Variants in PAGE4 observed in about 807,000 individuals in gnomAD.
PAGE4 encodes PAGE family member 4.
Under a neutral mutation model 8.5 loss-of-function variants are expected in PAGE4, and 1 was observed. The observed-to-expected ratio is 0.12, with a 90% CI of 0.04 to 0.56. The LOEUF is 0.56. Among genes scored for constraint, PAGE4 ranks in the 20% least tolerant of loss-of-function variants. PAGE4 has a pLI of 0.91. For synonymous variants in PAGE4, 26 were observed against 26.3 expected, an observed-to-expected ratio of 0.99 and a Z score of 0.04; for missense variants, 93 against 82.7, an observed-to-expected ratio of 1.13 and a Z score of -0.49.
rs183991762 is a variant in PAGE4 at position 49,832,727 on chromosome X, C to A, written c.292+77C>A. ...ATACTTTAATAACAAGTCTCGCATA[C>A]AAATATTATTTGAAAGGTAGTTCAG... On this transcript the variant is annotated intron_variant, in intron 4 of 4. Transcript: ENST00000218068. 983 of 907,892 alleles carry A rather than the reference C, an allele frequency of 1.1e-3. 6 individuals carry two copies. The African/African-American group carries it at 0.019, about 17-fold the overall frequency. The allele number at this position is 907,892 out of a possible 1,213,427, so 74.8% of individuals were successfully genotyped here. A position where few individuals can be genotyped will look rare whatever the true frequency, so the allele number is the denominator to read the frequency against.
chrX:49,832,773 AG>A, intron 4 of PAGE4, 123 bp downstream of exon 4: 1 of 581,755 alleles, frequency 1.7e-6, no homozygotes, highest in South Asian at 3.3e-5. Flanking sequence ...CTTGATTCAA[AG>A]ACAGTGTCAG....
At chrX:49,830,654 T>C (rs782168771) in intron 2 of PAGE4, 148 bp downstream of exon 2, 63 of 447,503 alleles carry the variant, frequency 1.4e-4, no homozygotes, top group Non-Finnish European at 1.8e-4. Context: ...AATGAGACAT[T>C]GAGCAAGGAG....
intron 3 of PAGE4, among the ~76,000 whole-genome samples, chrX:49,832,275 A>G (rs1602883743): frequency 8.9e-6 from 1 of 111,988 alleles, no homozygotes; most frequent in East Asian, 2.8e-4. Context: ...AACTGCTGTA[A>G]TGAGTGATTT....
rs188402449 is a variant in PAGE4 at position 49,832,512 on chromosome X, T to C, written c.167-13T>C. The C allele has an allele frequency of 8.9e-7, 1 of 1,121,650 alleles. No individual in the cohort carries two copies. The highest frequency in any genetic ancestry group is 1.2e-6 in the Non-Finnish European group (1 of 832,436). 92.4% of individuals were successfully genotyped at this position (1,121,650 alleles called of 1,213,427 possible). Reference sequence around the variant, plus strand: ...CTGCTTACTTATATCAATAACTTTTTTATTTATATAAGAACGTAAAGTAGA... The same window carrying C: ...CTGCTTACTTATATCAATAACTTTTCTATTTATATAAGAACGTAAAGTAGA... On this transcript the variant is annotated splice_polypyrimidine_tract_variant and intron_variant, in intron 3 of 4. Coordinates refer to ENST00000218068, the MANE Select transcript of PAGE4 (RefSeq NM_007003.4).
In PAGE4 at chrX:49,831,644, A is replaced by G. The variant is rs146482073; in HGVS notation, c.166+560A>G. On this transcript the variant is annotated intron_variant, in intron 3 of 4. Coordinates refer to ENST00000218068, the MANE Select transcript of PAGE4 (RefSeq NM_007003.4). ...AGGACTTAAAATGTAAGGAAAAGTT[A>G]TCCAAGTACAGTGAACTCCTGTGTA... Among the ~76,000 whole-genome samples the G allele has an allele frequency of 2.8e-3, 319 of 112,100 alleles. 1 individual carries two copies. Among genetic ancestry groups the G allele is most frequent in the Non-Finnish European group, 4.6e-3 (242 of 53,172 alleles).
At chrX:49,830,771 GA>G (rs1276114093) in intron 2 of PAGE4, 1 of 433,029 alleles carries the variant, frequency 2.3e-6, no homozygotes, top group East Asian at 3.8e-5. Flanking sequence ...CAGAGAAGAT[GA>G]AAATGGGTTC....
intron 4 of PAGE4, 120 bp from the exon 5 acceptor site, chrX:49,833,726 T>G: frequency 2.0e-6 from 1 of 497,229 alleles, no homozygotes; most frequent in Admixed American, 3.3e-5. Flanking sequence ...ATGCAGTGGT[T>G]AGCGTTCTGG....
rs782237820 is a variant in PAGE4 at position 49,830,483 on chromosome X, C to T, written c.55C>T (p.Pro19Ser). 5 of 1,197,510 alleles carry T rather than the reference C, an allele frequency of 4.2e-6. No individual in the cohort carries two copies. Among genetic ancestry groups the T allele is most frequent in the Non-Finnish European group, 1.1e-6 (1 of 885,828 alleles). ...AGGAAGAGGAGATGGTCAGGAGGCTCCCGATGTGGTTGCATTCGTGGCTGT... is the reference window on the plus strand; with the variant it reads ...AGGAAGAGGAGATGGTCAGGAGGCTTCCGATGTGGTTGCATTCGTGGCTGT... ...SRGRGDGQEA[P>S]DVVAFVAPGE... Residue 19 changes from proline to serine, a missense_variant, in exon 2 of 5, where the codon CCC becomes TCC. By Grantham distance (74) the Pro-to-Ser change is moderately conservative (BLOSUM62 -1). Coordinates refer to ENST00000218068, the MANE Select transcript of PAGE4 (RefSeq NM_007003.4).
At position 49,829,910 on chromosome X, in the gene PAGE4, T is replaced by C. The variant is rs187278929; in HGVS notation, c.-30-489T>C. The C allele has an allele frequency of 7.5e-3, 835 of 112,017 alleles. 9 individuals carry two copies. Among genetic ancestry groups the C allele is most frequent in the African/African-American group, 0.027 (809 of 30,473 alleles). The allele number at this position is 112,017 out of a possible 1,213,427, so 9.2% of individuals were successfully genotyped here. On this transcript the variant is annotated intron_variant, in intron 1 of 4. Coordinates refer to ENST00000218068, the MANE Select transcript of PAGE4 (RefSeq NM_007003.4). ...CTCGGAGGAGGAAGGGCCTCACAGG[T>C]GGTGGCGCCGCCATGACCTTGTGGT...
chrX:49,832,675 G>GTT (rs1454830455), intron 4 of PAGE4, 25 bp downstream of exon 4: 1 of 1,157,441 alleles, frequency 8.6e-7, no homozygotes, highest in Non-Finnish European at 1.2e-6. Flanking sequence ...CGGAATGGAA[G>GTT]TCATGGGGTT....
At position 49,831,089 on chromosome X, in the gene PAGE4, G is replaced by A. The variant is rs1557156551; in HGVS notation, c.166+5G>A. The A allele has an allele frequency of 3.6e-6, 4 of 1,102,475 alleles. No individual in the cohort carries two copies. Among genetic ancestry groups the A allele is most frequent in the Admixed American group, 5.0e-5 (2 of 40,361 alleles). The allele number at this position is 1,102,475 out of a possible 1,213,427, so 90.9% of individuals were successfully genotyped here. A position where few individuals can be genotyped will look rare whatever the true frequency, so the allele number is the denominator to read the frequency against. The stretch of plus-strand genomic sequence containing the variant: ...AAGGAACACCTCCGATCGAAGGTGA[G>A]AAGGGCATGGAGGAGCATTTTGTGT... On this transcript the variant is annotated splice_donor_5th_base_variant and intron_variant, in intron 3 of 4. Transcript: ENST00000218068.
At chrX:49,830,756 C>T (rs1923451540) in intron 2 of PAGE4, 1 of 428,229 alleles carries the variant, frequency 2.3e-6, no homozygotes, top group African/African-American at 2.5e-5. Context: ...ATAAATAATA[C>T]AGCCCAGAGA....
chrX:49,831,105 C>T, intron 3 of PAGE4, 21 bp downstream of exon 3: 3 of 1,035,251 alleles, frequency 2.9e-6, no homozygotes, highest in Non-Finnish European at 1.3e-6. Flanking sequence ...CATGGAGGAG[C>T]ATTTTGTGTT....
At chrX:49,832,426 A>G in intron 3 of PAGE4, 99 bp from the exon 4 acceptor site, 1 of 523,449 alleles carries the variant, frequency 1.9e-6, no homozygotes. Flanking sequence ...GCACTCATGC[A>G]TCACATTTGT....
At position 49,832,659 on chromosome X, in the gene PAGE4, T is replaced by C. The variant is rs1557156758; in HGVS notation, c.292+9T>C. On this transcript the variant is annotated intron_variant, in intron 4 of 4. Transcript: ENST00000218068. Reference sequence around the variant, plus strand: ...TAAGACTAAAGAAGCAGGTACGTTATTCATTCGGAATGGAAGTCATGGGGT... The same window carrying C: ...TAAGACTAAAGAAGCAGGTACGTTACTCATTCGGAATGGAAGTCATGGGGT... The C allele has an allele frequency of 1.7e-6, 2 of 1,190,564 alleles. No individual in the cohort carries two copies. Among genetic ancestry groups the C allele is most frequent in the Non-Finnish European group, 2.3e-6 (2 of 883,608 alleles).
intron 4 of PAGE4, 131 bp from the exon 5 acceptor site, chrX:49,833,715 T>A: frequency 2.2e-6 from 1 of 464,096 alleles, no homozygotes. Flanking sequence ...CATAGAAGTC[T>A]ATGCAGTGGT....
In PAGE4 at chrX:49,831,043, T is replaced by C. The variant is rs782692742; in HGVS notation, c.125T>C (p.Ile42Thr). 1 of 1,192,951 alleles carries C rather than the reference T, an allele frequency of 8.4e-7. No individual in the cohort carries two copies. Among genetic ancestry groups the C allele is most frequent in the Non-Finnish European group, 1.1e-6 (1 of 885,779 alleles). The change falls in exon 3 of 5, where the codon ATT (isoleucine) becomes ACT (threonine). Residue 42 changes from isoleucine to threonine, a missense_variant. By Grantham distance (89) the Ile-to-Thr change is moderately conservative. Coordinates refer to ENST00000218068, the MANE Select transcript of PAGE4 (RefSeq NM_007003.4). ...GAACCACCAACTGACAATCAGGATA[T>C]TGAACCTGGACAAGAGAGAGAAGGA... ...QEEPPTDNQD[I>T]EPGQEREGTP...
rs1923556209 is a variant in PAGE4 at position 49,834,086 on chromosome X, T to C, written c.*224T>C. On this transcript the variant is annotated 3_prime_UTR_variant, in exon 5 of 5. Coordinates refer to ENST00000218068, the MANE Select transcript of PAGE4 (RefSeq NM_007003.4). ...GGTATATATTTTTGTATACTGATTTTGTGTTGGGCAACATTGCTAAACTTG... is the reference window on the plus strand; with the variant it reads ...GGTATATATTTTTGTATACTGATTTCGTGTTGGGCAACATTGCTAAACTTG... 1 of 364,532 alleles carries C rather than the reference T, an allele frequency of 2.7e-6. No homozygotes were observed. The highest frequency in any genetic ancestry group is 2.5e-5 in the African/African-American group (1 of 39,304). The allele number at this position is 364,532 out of a possible 1,213,427, so 30.0% of individuals were successfully genotyped here.
At chrX:49,831,208 G>A (rs1557156584) in intron 3 of PAGE4, 124 bp downstream of exon 3, 4 of 486,560 alleles carry the variant, frequency 8.2e-6, no homozygotes, top group Non-Finnish European at 1.4e-5. Context: ...TAAGGGAATA[G>A]TGTAGTTTTC....
Sources: gnomAD v4.1 joint callset for allele counts (sites outside exome capture counted in the v4.1 genomes callset) on GRCh38, gnomAD v4.1.1 for gene constraint, MANE v1.5 for transcripts, NCBI Gene and HGNC (gene_info 2026-07-23, HGNC 2026-07-21) for gene names.